Variants in MACROD2 observed in about 807,000 individuals in gnomAD.
MACROD2 encodes the protein ADP-ribose glycohydrolase MACROD2.
A neutral mutation model predicts 70.4 loss-of-function variants in MACROD2; 36 were observed. That is an observed-to-expected ratio of 0.51 (90% CI 0.39 to 0.68). The LOEUF (loss-of-function observed/expected upper bound fraction) is 0.68. Among genes scored for constraint, MACROD2 ranks in the 30% least tolerant of loss-of-function variants. The probability of loss-of-function intolerance (pLI) is 0.00; values close to 1 mark genes in which losing one functional copy is unlikely to be tolerated. For missense variants in MACROD2, 496 were observed against 538.4 expected, an observed-to-expected ratio of 0.92 and a Z score of 0.78; for synonymous variants, 172 against 178.8, an observed-to-expected ratio of 0.96 and a Z score of 0.30.
At chr20:14,052,287 CATG>C (rs1228686923) in intron 2 of MACROD2, among the ~76,000 whole-genome samples, 6 of 152,116 alleles carry the variant, frequency 3.9e-5, no homozygotes, top group African/African-American at 1.4e-4. Context: ...GACTCATTTA[CATG>C]ATAATATGAT....
intron 15 of MACROD2, among the ~76,000 whole-genome samples, chr20:15,998,038 G>T (rs2066656310): frequency 6.6e-6 from 1 of 152,116 alleles, no homozygotes; most frequent in African/African-American, 2.4e-5. Context: ...TGAATTCCAG[G>T]TGTAAATCCC....
chr20:14,527,089 C>T (rs897614499), intron 4 of MACROD2, among the ~76,000 whole-genome samples: 23 of 152,202 alleles, frequency 1.5e-4, no homozygotes, highest in African/African-American at 5.1e-4. Context: ...CTCCGCTTGG[C>T]GGACTGGGCT....
intron 4 of MACROD2, among the ~76,000 whole-genome samples, chr20:14,599,891 G>A (rs950375484): frequency 1.3e-5 from 2 of 152,120 alleles, no homozygotes; most frequent in African/African-American, 4.8e-5. Flanking sequence ...CCCATGCGAT[G>A]TGGAGGAGGG....
intron 4 of MACROD2, among the ~76,000 whole-genome samples, chr20:14,577,794 A>AAAGAGAAGAG (rs140897912): frequency 0.1 from 14,026 of 137,734 alleles, 893 homozygotes; most frequent in East Asian, 0.13. Context: ...AAAGAAAAGG[A>AAAGAGAAGAG]AAGAGAAGAG....
chr20:14,277,403 A>G (rs989557706), intron 3 of MACROD2, among the ~76,000 whole-genome samples: 4 of 152,208 alleles, frequency 2.6e-5, no homozygotes, highest in Admixed American at 6.5e-5. Flanking sequence ...TGATCACGCC[A>G]CTGCACTCCA....
At chr20:14,341,602 C>T (rs2083013580) in intron 3 of MACROD2, among the ~76,000 whole-genome samples, 1 of 152,166 alleles carries the variant, frequency 6.6e-6, no homozygotes, top group Admixed American at 6.5e-5. Context: ...TTGTACCATG[C>T]ACTCCAGCTT....
intron 6 of MACROD2, among the ~76,000 whole-genome samples, chr20:15,286,387 G>C (rs978452720): frequency 1.3e-5 from 2 of 151,448 alleles, no homozygotes; most frequent in Admixed American, 6.6e-5. Context: ...GATTCTCCAG[G>C]TTTATCATAT....
At chr20:14,752,583 C>A (rs574632654) in intron 5 of MACROD2, among the ~76,000 whole-genome samples, 1 of 152,132 alleles carries the variant, frequency 6.6e-6, no homozygotes, top group Non-Finnish European at 1.5e-5. Context: ...CTGTTCTCTG[C>A]ATTGGAGCCA....
intron 3 of MACROD2, among the ~76,000 whole-genome samples, chr20:14,152,717 G>A (rs1048819258): frequency 4.5e-4 from 68 of 152,238 alleles, no homozygotes; most frequent in African/African-American, 1.5e-3. Flanking sequence ...ATGAGCCATC[G>A]TGCCCGGCCT....
At chr20:15,020,443 TG>T (rs2075156445) in intron 5 of MACROD2, among the ~76,000 whole-genome samples, 1 of 152,202 alleles carries the variant, frequency 6.6e-6, no homozygotes, top group Non-Finnish European at 1.5e-5. Flanking sequence ...CTGAAGCCTG[TG>T]TCTTAAAACC....
rs556465824 is a variant in MACROD2 at position 15,505,046 on chromosome 20, T to C, written c.645+5199T>C. On this transcript the variant is annotated intron_variant, in intron 8 of 17. Coordinates refer to ENST00000684519, the MANE Select transcript of MACROD2 (RefSeq NM_001351661.2). Reference sequence around the variant, plus strand: ...TGTTTTTACAGTGCCTGTTCTATTGTTCTACCCCAGGGACTCATATGGCAT... The same window carrying C: ...TGTTTTTACAGTGCCTGTTCTATTGCTCTACCCCAGGGACTCATATGGCAT... Among the ~76,000 whole-genome samples the C allele has an allele frequency of 5.3e-5, 8 of 152,320 alleles. No individual in the cohort carries two copies. The East Asian group carries it at 1.5e-3, about 29-fold the overall frequency.
intron 5 of MACROD2, among the ~76,000 whole-genome samples, chr20:15,097,870 C>A (rs968264898): frequency 4.6e-5 from 7 of 152,126 alleles, no homozygotes; most frequent in African/African-American, 1.7e-4. Flanking sequence ...ATTTCAGTAT[C>A]CAGAAGTCTT....
At chr20:15,623,014 G>A (rs757582883) in intron 8 of MACROD2, among the ~76,000 whole-genome samples, 13 of 152,116 alleles carry the variant, frequency 8.5e-5, no homozygotes, top group East Asian at 1.9e-4. Context: ...ATATCAATGC[G>A]TTAATTCTGG....
intron 3 of MACROD2, among the ~76,000 whole-genome samples, chr20:14,246,459 T>C (rs944981255): frequency 6.6e-6 from 1 of 152,242 alleles, no homozygotes; most frequent in African/African-American, 2.4e-5. Flanking sequence ...CAGTCATCTC[T>C]GAGTCTAGCT....
chr20:15,856,147 G>T (rs1174160964), intron 8 of MACROD2, among the ~76,000 whole-genome samples: 1 of 152,174 alleles, frequency 6.6e-6, no homozygotes, highest in East Asian at 1.9e-4. Flanking sequence ...CTCAAAAGCA[G>T]TCTATGAAAG....
intron 6 of MACROD2, among the ~76,000 whole-genome samples, chr20:15,325,124 G>A (rs1335673165): frequency 5.9e-5 from 9 of 152,012 alleles, no homozygotes. Flanking sequence ...GACAATAGAA[G>A]TTTAAAGATG....
intron 3 of MACROD2, among the ~76,000 whole-genome samples, chr20:14,453,729 T>C (rs1460725291): frequency 6.6e-6 from 1 of 152,074 alleles, no homozygotes; most frequent in Non-Finnish European, 1.5e-5. Context: ...TACCTATAGA[T>C]CCACTACCTA....
chr20:14,348,278 A>AAAAT (rs1555784024), intron 3 of MACROD2, among the ~76,000 whole-genome samples: 5,651 of 143,898 alleles, frequency 0.039, 278 homozygotes, highest in African/African-American at 0.11. Flanking sequence ...CAAAAAAAAA[A>AAAAT]AAATAAATAA....
intron 4 of MACROD2, among the ~76,000 whole-genome samples, chr20:14,568,933 A>G (rs1979994196): frequency 6.6e-6 from 1 of 152,018 alleles, no homozygotes; most frequent in Non-Finnish European, 1.5e-5. Context: ...CCCAGTCAGC[A>G]TTAAGGTTAC....
Sources: allele counts gnomAD v4.1 joint callset (sites outside exome capture counted in the v4.1 genomes callset), GRCh38; gene constraint gnomAD v4.1.1; transcripts MANE v1.5; gene names NCBI Gene and HGNC (gene_info 2026-07-23, HGNC 2026-07-21).